The following GUCY1A2 variants were observed in gnomAD, a reference collection of about 807,000 sequenced individuals.
The protein encoded by GUCY1A2 is guanylate cyclase soluble subunit alpha-2.
In GUCY1A2, 27 loss-of-function variants were observed where a neutral mutation model predicts 63.5. The observed-to-expected ratio is 0.43, with a 90% CI of 0.31 to 0.59. The LOEUF (loss-of-function observed/expected upper bound fraction) is 0.59, where lower values mean the gene tolerates loss of function less well. Ranked by LOEUF, GUCY1A2 falls within the 20% of genes least tolerant of loss-of-function variation. The pLI, the probability that GUCY1A2 is intolerant of heterozygous loss-of-function variation, is 0.11. For synonymous variants in GUCY1A2, 364 were observed against 343.5 expected (o/e 1.06, Z -0.66); for missense variants, 768 against 913.3 (o/e 0.84, Z 2.05).
chr11:106,734,618 TAAAA>T (rs1296316604), intron 6 of GUCY1A2, among the ~76,000 whole-genome samples: 6 of 152,144 alleles, frequency 3.9e-5, no homozygotes, highest in Non-Finnish European at 7.4e-5. Flanking sequence ...TAGTCACACA[TAAAA>T]AGAAAATATA....
At chr11:106,818,923 G>A (rs1333453589) in intron 4 of GUCY1A2, among the ~76,000 whole-genome samples, 1 of 152,140 alleles carries the variant, frequency 6.6e-6, no homozygotes, top group Non-Finnish European at 1.5e-5. Context: ...GGGAGGTGAG[G>A]AAGCTGCAGA....
intron 3 of GUCY1A2, among the ~76,000 whole-genome samples, chr11:106,943,746 A>G (rs1319665603): frequency 1.3e-5 from 2 of 152,336 alleles, no homozygotes; most frequent in African/African-American, 4.8e-5. Context: ...ATCTAAGGAT[A>G]TGAAAACAAA....
chr11:106,986,325 G>A (rs1415445816), intron 1 of GUCY1A2, among the ~76,000 whole-genome samples, 194 bp from the exon 2 acceptor site: 4 of 152,074 alleles, frequency 2.6e-5, no homozygotes, highest in Non-Finnish European at 5.9e-5. Flanking sequence ...CAATTACCCA[G>A]AACTTCCCAA....
At chr11:106,977,000 A>C (rs1420372100) in intron 3 of GUCY1A2, among the ~76,000 whole-genome samples, 3 of 152,170 alleles carry the variant, frequency 2.0e-5, no homozygotes, top group Non-Finnish European at 4.4e-5. Flanking sequence ...GCCACAGTCC[A>C]ACTGCCTTTA....
At chr11:106,800,530 G>A (rs1208579941) in intron 5 of GUCY1A2, among the ~76,000 whole-genome samples, 1 of 151,992 alleles carries the variant, frequency 6.6e-6, no homozygotes, top group African/African-American at 2.4e-5. Flanking sequence ...AAATGTGACA[G>A]ATATACACCA....
chr11:106,918,995 C>A (rs1157269703), intron 4 of GUCY1A2, among the ~76,000 whole-genome samples: 2 of 152,034 alleles, frequency 1.3e-5, no homozygotes, highest in East Asian at 1.9e-4. Context: ...ATCTTTAATA[C>A]CAGACTATAA....
At chr11:106,696,711 A>G (rs1036608875) in intron 7 of GUCY1A2, among the ~76,000 whole-genome samples, 4 of 152,188 alleles carry the variant, frequency 2.6e-5, no homozygotes, top group Non-Finnish European at 5.9e-5. Flanking sequence ...AAAAAAGGGC[A>G]TACTTTTTTC....
chr11:106,698,119 A>ATTTTTTTTTTTTTTTTTTCTTT (rs1862752067), intron 7 of GUCY1A2, among the ~76,000 whole-genome samples: 1 of 100,520 alleles, frequency 9.9e-6, no homozygotes, highest in African/African-American at 4.6e-5. Context: ...GAATGTTAGA[A>ATTTTTTTTTTTTTTTTTTCTTT]TTTTTTTTTT....
chr11:106,779,380 T>C (rs1864419225), intron 5 of GUCY1A2, among the ~76,000 whole-genome samples: 1 of 152,220 alleles, frequency 6.6e-6, no homozygotes, highest in Non-Finnish European at 1.5e-5. Context: ...CTATTTACCA[T>C]TTTACCCCTA....
chr11:106,780,170 T>TC (rs1167598886), intron 5 of GUCY1A2, among the ~76,000 whole-genome samples: 1 of 152,016 alleles, frequency 6.6e-6, no homozygotes, highest in Non-Finnish European at 1.5e-5. Context: ...TTTCTCTCTT[T>TC]CTCTCCATAG....
intron 6 of GUCY1A2, among the ~76,000 whole-genome samples, chr11:106,756,666 A>G (rs1386085988): frequency 6.6e-6 from 1 of 152,170 alleles, no homozygotes; most frequent in Non-Finnish European, 1.5e-5. Context: ...AGAATGTTGA[A>G]TATTAGCTCC....
chr11:106,928,161 T>C (rs113958802), intron 4 of GUCY1A2, among the ~76,000 whole-genome samples: 1 of 152,186 alleles, frequency 6.6e-6, no homozygotes, highest in Non-Finnish European at 1.5e-5. Context: ...TCTCCATATA[T>C]GTTCACAGAG....
Position 106,676,079 on chromosome 11 carries a change from C to T in GUCY1A2, c.*11470G>A, listed in dbSNP as rs566637915. Reference sequence around the variant, plus strand: ...ATTTTCTATTAACACAAACTTATGTCATGAAGATAATTAAGTGGTTTGAAT... The same window carrying T: ...ATTTTCTATTAACACAAACTTATGTTATGAAGATAATTAAGTGGTTTGAAT... On this transcript the variant is annotated 3_prime_UTR_variant, in exon 8 of 8. Transcript: ENST00000526355. 5.5e-6 allele frequency: 1 copy of T among 182,096 alleles called. No homozygotes were observed. Among genetic ancestry groups the T allele is most frequent in the African/African-American group, 2.4e-5 (1 of 42,364 alleles). 11.3% of individuals were successfully genotyped at this position (182,096 alleles called of 1,614,324 possible). A position where few individuals can be genotyped will look rare whatever the true frequency, so the allele number is the denominator to read the frequency against.
At chr11:106,852,288 T>C (rs1236519461) in intron 4 of GUCY1A2, among the ~76,000 whole-genome samples, 1 of 152,028 alleles carries the variant, frequency 6.6e-6, no homozygotes, top group East Asian at 1.9e-4. Context: ...TGTTCTCCAA[T>C]TTTCATACCT....
At chr11:106,697,171 C>T (rs919957862) in intron 7 of GUCY1A2, among the ~76,000 whole-genome samples, 1 of 152,198 alleles carries the variant, frequency 6.6e-6, no homozygotes. Flanking sequence ...AGAGGAAACA[C>T]TGTCATGTTG....
intron 4 of GUCY1A2, among the ~76,000 whole-genome samples, chr11:106,813,819 C>T (rs1858796229): frequency 6.6e-6 from 1 of 152,066 alleles, no homozygotes; most frequent in Non-Finnish European, 1.5e-5. Context: ...GCTAACTCAA[C>T]ACATCTGTGA....
chr11:106,890,907 T>C (rs920515183), intron 4 of GUCY1A2, among the ~76,000 whole-genome samples: 2 of 152,188 alleles, frequency 1.3e-5, no homozygotes, highest in African/African-American at 4.8e-5. Context: ...GTTTCCTGGT[T>C]TGGGAAGTTA....
chr11:106,699,329 A>C (rs10502076), intron 7 of GUCY1A2, among the ~76,000 whole-genome samples: 26,437 of 152,242 alleles, frequency 0.17, 2,467 homozygotes, highest in Admixed American at 0.22. Context: ...ATCATGCTTA[A>C]TTACCTTAGT....
chr11:106,846,918 G>T (rs1049380816), intron 4 of GUCY1A2, among the ~76,000 whole-genome samples: 3 of 151,122 alleles, frequency 2.0e-5, no homozygotes, highest in African/African-American at 7.3e-5. Flanking sequence ...AATTCTATAG[G>T]CACCAAGCAG....
Sources: allele counts gnomAD v4.1 joint callset (sites outside exome capture counted in the v4.1 genomes callset), GRCh38; gene constraint gnomAD v4.1.1; transcripts MANE v1.5; gene names NCBI Gene and HGNC (gene_info 2026-07-23, HGNC 2026-07-21).